ATP7A: variants seen among roughly 807,000 people sequenced by gnomAD.
ATP7A encodes ATPase copper transporting alpha.
ATP7A carries 7 observed loss-of-function variants against 83.5 expected under a neutral mutation model. That is an observed-to-expected ratio of 0.08 (90% CI 0.05 to 0.16). The LOEUF is 0.16. ATP7A is among the 10% of genes least tolerant of loss of function. The pLI is 1.00. For synonymous variants in ATP7A, 354 were observed against 395.2 expected, an observed-to-expected ratio of 0.90 and a Z score of 1.24; for missense variants, 940 against 1,120.8, an observed-to-expected ratio of 0.84 and a Z score of 2.30.
chrX:77,919,735 G>A (rs1268943771), intron 1 of ATP7A, among the ~76,000 whole-genome samples: 1 of 112,311 alleles, frequency 8.9e-6, no homozygotes, highest in Non-Finnish European at 1.9e-5. Context: ...TGATCCACCC[G>A]CCTTGGCCTC....
intron 2 of ATP7A, among the ~76,000 whole-genome samples, chrX:77,977,363 G>A (rs1484596984): frequency 1.8e-5 from 2 of 111,888 alleles, no homozygotes; most frequent in Non-Finnish European, 3.8e-5. Flanking sequence ...TTGCAGTAAA[G>A]CTGTTTTAAC....
intron 5 of ATP7A, among the ~76,000 whole-genome samples, chrX:78,000,461 C>T (rs2077732259): frequency 1.8e-5 from 2 of 109,466 alleles, no homozygotes; most frequent in African/African-American, 6.6e-5. Context: ...TTTCCAATTA[C>T]TTCCATATTA....
Position 78,037,980 on chromosome X carries a change from G to GTTTTT in ATP7A, c.3512-834_3512-830dup, listed in dbSNP as rs782643561. Among the ~76,000 whole-genome samples, 22 of 51,200 alleles carry GTTTTT rather than the reference G, an allele frequency of 4.3e-4. 2 individuals carry two copies. Among genetic ancestry groups the GTTTTT allele is most frequent in the African/African-American group, 2.1e-3 (21 of 9,772 alleles). The allele number at this position is 51,200 out of a possible 115,157, so 44.5% of individuals were successfully genotyped here. A position where few individuals can be genotyped will look rare whatever the true frequency, so the allele number is the denominator to read the frequency against. ...AGAGAGGTGGGTGAGATCAAGAAAG[G>GTTTTT]TTTTTTTTTTTTTTTTTTTTTTTTT... On this transcript the variant is annotated intron_variant, in intron 17 of 22. Transcript: ENST00000341514.
chrX:78,011,116 T>C (rs1569549874), intron 7 of ATP7A, 60 bp from the exon 8 acceptor site: 1 of 1,039,711 alleles, frequency 9.6e-7, no homozygotes, highest in Non-Finnish European at 1.3e-6. Flanking sequence ...TGGCTTAGAA[T>C]TTCTCTATAC....
chrX:77,931,649 C>T (rs782341126), intron 1 of ATP7A, among the ~76,000 whole-genome samples: 4,021 of 98,991 alleles, frequency 0.041, 89 homozygotes, highest in Middle Eastern at 0.082. Context: ...GGGGCTGACC[C>T]GCCCACCTCC....
At chrX:77,979,560 A>C (rs1204389004) in intron 2 of ATP7A, among the ~76,000 whole-genome samples, 1 of 112,439 alleles carries the variant, frequency 8.9e-6, no homozygotes, top group Non-Finnish European at 1.9e-5. Flanking sequence ...TTTCTGAATC[A>C]TAACTTCTAG....
intron 1 of ATP7A, chrX:77,924,594 A>C (rs1306562015): frequency 8.9e-6 from 1 of 112,117 alleles, no homozygotes; most frequent in Non-Finnish European, 1.9e-5. Context: ...GATCTCCCGT[A>C]CATTTCCAGT....
intron 1 of ATP7A, among the ~76,000 whole-genome samples, chrX:77,931,009 C>CTTTTTTTTTTTTTTTTTTTTTT (rs11379657): frequency 8.9e-5 from 6 of 67,255 alleles, no homozygotes; most frequent in Admixed American, 1.9e-4. Flanking sequence ...TTTTTTTTAC[C>CTTTTTTTTTTTTTTTTTTTTTT]TTTTTTTTTA....
In ATP7A at chrX:78,040,746, G is replaced by A. The variant is rs1446081991; in HGVS notation, c.3801+13G>A. 8.3e-7 allele frequency: 1 copy of A among 1,206,347 alleles called. No homozygotes were observed. Among genetic ancestry groups the A allele is most frequent in the South Asian group, 1.8e-5 (1 of 56,842 alleles). On this transcript the variant is annotated intron_variant, in intron 19 of 22. Coordinates refer to ENST00000341514, the MANE Select transcript of ATP7A (RefSeq NM_000052.7). Reference sequence around the variant, plus strand: ...TATTGCTTCTCAGGTAATTGATAGGGGTATGTGATAACTTCTAATTATTGA... The same window carrying A: ...TATTGCTTCTCAGGTAATTGATAGGAGTATGTGATAACTTCTAATTATTGA...
intron 14 of ATP7A, among the ~76,000 whole-genome samples, chrX:78,023,972 A>G (rs903561651): frequency 8.1e-5 from 9 of 111,280 alleles, no homozygotes; most frequent in Non-Finnish European, 1.3e-4. Flanking sequence ...TAATTTTTTT[A>G]TATGGTGAGA....
chrX:78,010,825 C>T (rs2077817358), intron 7 of ATP7A, among the ~76,000 whole-genome samples: 1 of 109,918 alleles, frequency 9.1e-6, no homozygotes, highest in African/African-American at 3.3e-5. Flanking sequence ...GTGATTTGCC[C>T]ACCTTGGCCT....
Position 78,042,774 on chromosome X carries a change from G to A in ATP7A, c.3991G>A (p.Val1331Met). ...AGATGTAGCCATTGAAGCAGCTGATGTGGTTTTGATAAGGGTAAGTGCCAT... is the reference window on the plus strand; with the variant it reads ...AGATGTAGCCATTGAAGCAGCTGATATGGTTTTGATAAGGGTAAGTGCCAT... ...GTDVAIEAAD[V>M]VLIRNDLLDV... The change falls in exon 20 of 23, where the codon GTG becomes ATG. Residue 1331 changes from valine (V) to methionine (M), a missense_variant. By Grantham distance (21) the Val-to-Met change is conservative. This residue lies in a region of ATP7A where 386 missense variants were observed against 502.2 expected (regional missense o/e 0.77). Coordinates refer to ENST00000341514, the MANE Select transcript of ATP7A (RefSeq NM_000052.7). The A allele has an allele frequency of 8.3e-7, 1 of 1,211,549 alleles. No homozygotes were observed. Among genetic ancestry groups the A allele is most frequent in the East Asian group, 3.0e-5 (1 of 33,864 alleles).
chrX:78,045,320 G>GA (rs1482128317), intron 21 of ATP7A, 150 bp from the exon 22 acceptor site: 9 of 526,968 alleles, frequency 1.7e-5, no homozygotes, highest in Middle Eastern at 4.7e-4. Flanking sequence ...CTCTGTTAGT[G>GA]AAAAAAATGG....
At chrX:77,962,811 A>G in intron 1 of ATP7A, 1 of 387,962 alleles carries the variant, frequency 2.6e-6, no homozygotes, top group Non-Finnish European at 5.2e-6. Context: ...GCTTGCCGTC[A>G]AATGTACGGA....
At chrX:78,028,189 AT>A (rs782109966) in intron 14 of ATP7A, among the ~76,000 whole-genome samples, 247 of 97,443 alleles carry the variant, frequency 2.5e-3, no homozygotes, top group Non-Finnish European at 2.7e-3. Context: ...TCCCTGGCTA[AT>A]TTTTTTTTTT....
chrX:77,914,927 A>T (rs1159086583), intron 1 of ATP7A, among the ~76,000 whole-genome samples: 1 of 111,539 alleles, frequency 9.0e-6, no homozygotes, highest in African/African-American at 3.3e-5. Flanking sequence ...TTTCTGGAGT[A>T]TTAGATATTA....
intron 4 of ATP7A, among the ~76,000 whole-genome samples, chrX:77,995,331 G>A (rs868965213): frequency 9.0e-6 from 1 of 110,636 alleles, no homozygotes; most frequent in Non-Finnish European, 1.9e-5. Context: ...TTGGGAGGCC[G>A]AGGCAGGTGG....
At position 78,020,368 on chromosome X, in the gene ATP7A, C is replaced by T; in HGVS notation, c.2751C>T (p.Val917=). The T allele has an allele frequency of 8.3e-7, 1 of 1,211,925 alleles. No individual in the cohort carries two copies. The highest frequency in any genetic ancestry group is 1.1e-6 in the Non-Finnish European group (1 of 895,496). ...CAGACACAACCCTTTCTCAAATTGT[C>T]AAACTTGTGGAAGAGGCACAAACAT... is the stretch of plus-strand genomic sequence containing the variant. ...VGADTTLSQI[V]KLVEEAQTSK... Residue 917 remains valine, a synonymous_variant, in exon 13 of 23, where the codon GTC becomes GTT. Transcript: ENST00000341514.
At chrX:77,930,497 A>G (rs191873404) in intron 1 of ATP7A, among the ~76,000 whole-genome samples, 1 of 111,977 alleles carries the variant, frequency 8.9e-6, no homozygotes, top group Non-Finnish European at 1.9e-5. Context: ...AGAGAAAAGA[A>G]TTCCAGATGG....
Sources: allele counts gnomAD v4.1 joint callset (sites outside exome capture counted in the v4.1 genomes callset), GRCh38; gene constraint gnomAD v4.1.1; regional missense constraint gnomAD v4.1.1; transcripts MANE v1.5; gene names NCBI Gene and HGNC (gene_info 2026-07-23, HGNC 2026-07-21).